Variants in CAPRIN2 observed in about 807,000 individuals in gnomAD.
CAPRIN2 encodes caprin family member 2, also known as caprin-2.
In CAPRIN2, 66 loss-of-function variants were observed where a neutral mutation model predicts 130.4. The ratio of observed to expected loss-of-function variants is 0.51; its 90% CI spans 0.42 to 0.62. The LOEUF is 0.62. Ranked by LOEUF, CAPRIN2 falls within the 20% of genes least tolerant of loss-of-function variation. CAPRIN2 has a pLI of 0.00. For missense variants in CAPRIN2, 1,185 were observed against 1,246.6 expected (o/e 0.95, Z 0.74); for synonymous variants, 471 against 444.1 (o/e 1.06, Z -0.76).
At chr12:30,720,580 A>G (rs1043670140) in intron 12 of CAPRIN2, 2 of 339,042 alleles carry the variant, frequency 5.9e-6, no homozygotes, top group African/African-American at 4.2e-5. Flanking sequence ...TTAGATTAAA[A>G]ATGGACATTT....
At chr12:30,730,051 C>A (rs1376531624) in intron 7 of CAPRIN2, among the ~76,000 whole-genome samples, 188 bp downstream of exon 8, 1 of 152,172 alleles carries the variant, frequency 6.6e-6, no homozygotes, top group Admixed American at 6.5e-5. Flanking sequence ...TTAACGTTAT[C>A]CCTATTTTAC....
At chr12:30,732,284 G>A (rs1379215036) in intron 5 of CAPRIN2, among the ~76,000 whole-genome samples, 1 of 151,824 alleles carries the variant, frequency 6.6e-6, no homozygotes, top group Non-Finnish European at 1.5e-5. Flanking sequence ...CCCAAACTTA[G>A]CAGAGTTTCC....
intron 2 of CAPRIN2, among the ~76,000 whole-genome samples, chr12:30,746,223 T>C (rs1565695925): frequency 2.0e-5 from 3 of 152,206 alleles, no homozygotes; most frequent in Non-Finnish European, 4.4e-5. Flanking sequence ...CAATGGTGGA[T>C]ACATTTGCAT....
chr12:30,742,231 A>G (rs554130675), intron 2 of CAPRIN2, among the ~76,000 whole-genome samples: 1 of 152,190 alleles, frequency 6.6e-6, no homozygotes, highest in Non-Finnish European at 1.5e-5. Context: ...TGTGTTAAGT[A>G]TATTATACCT....
intron 14 of CAPRIN2, 78 bp downstream of exon 16, chr12:30,714,881 G>A (rs949373724): frequency 1.7e-6 from 2 of 1,177,868 alleles, no homozygotes; most frequent in African/African-American, 3.1e-5. Context: ...AGGGAGCAAG[G>A]TTAGGTAAAA....
exon 8 of CAPRIN2, chr12:30,728,875 T>C (rs2304630): frequency 0.58 from 940,860 of 1,613,938 alleles, 279,908 homozygotes; most frequent in African/African-American, 0.8. Flanking sequence ...TCGCTCTGCA[T>C]GGAAGGTGTC....
At chr12:30,720,084 A>G (rs1300808467) in intron 12 of CAPRIN2, 2 of 151,046 alleles carry the variant, frequency 1.3e-5, no homozygotes, top group African/African-American at 2.4e-5. Flanking sequence ...TACTGTTAAA[A>G]TGTTTTTATT....
chr12:30,750,535 CT>C lies in CAPRIN2; in HGVS notation c.483+535del, dbSNP rs80349176. On this transcript the variant is annotated intron_variant, in intron 2 of 16. Coordinates refer to ENST00000298892, the Ensembl canonical transcript of CAPRIN2. ...CAAGTAGCTTAATGTTTATAGTAAG[CT>C]TTTTTTTTTTTTAAAGGCCAGATAT... is the stretch of plus-strand genomic sequence containing the variant. Among the ~76,000 whole-genome samples the C allele has an allele frequency of 5.7e-3, 814 of 143,120 alleles. 1 individual carries two copies. Among genetic ancestry groups the C allele is most frequent in the Middle Eastern group, 0.015 (4 of 270 alleles). 93.9% of individuals were successfully genotyped at this position (143,120 alleles called of 152,430 possible). A position where few individuals can be genotyped will look rare whatever the true frequency, so the allele number is the denominator to read the frequency against.
chr12:30,724,273 A>C, intron 10 of CAPRIN2, 97 bp downstream of exon 11: 1 of 772,914 alleles, frequency 1.3e-6, no homozygotes, highest in South Asian at 1.5e-5. Context: ...ACACCAACAT[A>C]TTAGGACATC....
intron 2 of CAPRIN2, among the ~76,000 whole-genome samples, chr12:30,744,825 A>T (rs1187284833): frequency 6.6e-6 from 1 of 152,164 alleles, no homozygotes; most frequent in East Asian, 1.9e-4. Flanking sequence ...CACCTCCTAG[A>T]GTAGATACTT....
intron 12 of CAPRIN2, 117 bp from the exon 15 acceptor site, chr12:30,716,793 T>C (rs979938420): frequency 1.5e-5 from 12 of 779,938 alleles, no homozygotes; most frequent in Non-Finnish European, 2.1e-5. Flanking sequence ...AGGACTTGAA[T>C]AGACATCTCT....
At chr12:30,714,895 G>A in intron 14 of CAPRIN2, 64 bp downstream of exon 16, 1 of 1,328,776 alleles carries the variant, frequency 7.5e-7, no homozygotes, top group Admixed American at 1.8e-5. Context: ...GGTAAAAATG[G>A]TGTGAGTCAA....
chr12:30,735,292 A>G, intron 3 of CAPRIN2, 86 bp from the exon 5 acceptor site: 1 of 954,778 alleles, frequency 1.0e-6, no homozygotes, highest in African/African-American at 1.6e-5. Flanking sequence ...AAACCCAAAT[A>G]GCTGAGATTA....
rs540582058 is a variant in CAPRIN2 at position 30,711,724 on chromosome 12, C to T, written c.2602-95G>A. The T allele has an allele frequency of 9.0e-6, 9 of 999,532 alleles. No individual in the cohort carries two copies. The South Asian group carries it at 1.2e-4, about 13-fold the overall frequency. The allele number at this position is 999,532 out of a possible 1,614,324, so 61.9% of individuals were successfully genotyped here. A position where few individuals can be genotyped will look rare whatever the true frequency, so the allele number is the denominator to read the frequency against. On this transcript the variant is annotated intron_variant, in intron 15 of 16. Coordinates refer to ENST00000298892, the Ensembl canonical transcript of CAPRIN2. ...TACCGGCTGGCAAATAAGATTAGTC[C>T]CCTTAGTTCTTTACCTGGCCTTCCC...
intron 2 of CAPRIN2, among the ~76,000 whole-genome samples, chr12:30,744,258 T>G (rs1309291646): frequency 6.6e-6 from 1 of 152,198 alleles, no homozygotes; most frequent in Non-Finnish European, 1.5e-5. Context: ...TCTTTTCTAA[T>G]TTCCTTACAT....
chr12:30,742,259 A>G (rs2067833354), intron 2 of CAPRIN2, among the ~76,000 whole-genome samples: 1 of 152,286 alleles, frequency 6.6e-6, no homozygotes, highest in South Asian at 2.1e-4. Flanking sequence ...GTTGGAAAAA[A>G]CAGACTGATA....
intron 4 of CAPRIN2, among the ~76,000 whole-genome samples, chr12:30,734,012 T>C (rs2063593985): frequency 6.6e-6 from 1 of 152,216 alleles, no homozygotes; most frequent in South Asian, 2.1e-4. Flanking sequence ...AGTTCAGGTG[T>C]ATGCCCTACA....
intron 8 of CAPRIN2, among the ~76,000 whole-genome samples, 168 bp from the exon 10 acceptor site, chr12:30,726,256 C>G (rs1341122399): frequency 6.6e-6 from 1 of 152,178 alleles, no homozygotes; most frequent in East Asian, 1.9e-4. Flanking sequence ...AAACTTTAAA[C>G]AGATTTTTCC....
chr12:30,728,590 C>G (rs549817333), intron 8 of CAPRIN2, 58 bp downstream of exon 9: 1 of 1,356,016 alleles, frequency 7.4e-7, no homozygotes, highest in South Asian at 1.4e-5. Context: ...AAAGTCATTA[C>G]CACGACACCT....
Sources: gnomAD v4.1 joint callset for allele counts (sites outside exome capture counted in the v4.1 genomes callset) on GRCh38, gnomAD v4.1.1 for gene constraint, MANE v1.5 for transcripts, NCBI Gene and HGNC (gene_info 2026-07-23, HGNC 2026-07-21) for gene names.